Variants in MCC observed in about 807,000 individuals in gnomAD.
MCC encodes the protein MCC regulator of Wnt signaling pathway.
Under a neutral mutation model 116.2 loss-of-function variants are expected in MCC, and 90 were observed. The ratio of observed to expected loss-of-function variants is 0.77; its 90% CI spans 0.65 to 0.92. The LOEUF (loss-of-function observed/expected upper bound fraction) is 0.92. Ranked by LOEUF, MCC falls within the 40% of genes least tolerant of loss-of-function variation. MCC has a pLI of 0.00. For missense variants in MCC, 1,516 were observed against 1,312.2 expected, an observed-to-expected ratio of 1.16 and a Z score of -2.40; for synonymous variants, 578 against 510.5, an observed-to-expected ratio of 1.13 and a Z score of -1.78.
At chr5:113,206,250 G>C (rs1425850210) in intron 3 of MCC, among the ~76,000 whole-genome samples, 2 of 152,172 alleles carry the variant, frequency 1.3e-5, no homozygotes, top group Non-Finnish European at 2.9e-5. Flanking sequence ...GCCCCACCCA[G>C]TGTATACTCA....
rs77755049 is a variant in MCC at position 113,188,825 on chromosome 5, T to G, written c.628-37403A>C. Among the ~76,000 whole-genome samples, 1,288 of 152,318 alleles carry G rather than the reference T, an allele frequency of 8.5e-3. 17 individuals are homozygous for G. The highest frequency in any genetic ancestry group is 0.03 in the African/African-American group (1,228 of 41,576). ...AGTGGCAGAGCCAGGAATTGAGGTG[T>G]CTACCTGACTCCACAGTTTTTAATT... On this transcript the variant is annotated intron_variant, in intron 3 of 18. Transcript: ENST00000408903.
chr5:113,236,951 TG>T (rs1764157755), intron 3 of MCC, among the ~76,000 whole-genome samples: 1 of 152,204 alleles, frequency 6.6e-6, no homozygotes, highest in South Asian at 2.1e-4. Flanking sequence ...ATGAATATAC[TG>T]AAAGAAATTA....
In MCC at chr5:113,385,042, T is replaced by G; in HGVS notation, c.341A>C (p.Lys114Thr). Residue 114 changes from lysine (K) to threonine (T), a missense_variant, in exon 2 of 19, where the codon AAG (lysine) becomes ACG (threonine). Physicochemically the swap from Lys to Thr is moderately conservative, Grantham distance 78 (BLOSUM62 -1). Transcript: ENST00000408903. The part of the protein sequence containing the change: ...IRKEEVDLSA[K>T]SDNSCTKKLR... ...CTTCTTTGTACAGGAGTTGTCTGAC[T>G]TTGCAGAAAGATCTACTTCCTCCTT... 3 of 1,614,238 alleles carry G rather than the reference T, an allele frequency of 1.9e-6. No individual in the cohort carries two copies. The highest frequency in any genetic ancestry group is 2.5e-6 in the Non-Finnish European group (3 of 1,180,028).
At chr5:113,207,769 C>G (rs546812413) in intron 3 of MCC, among the ~76,000 whole-genome samples, 26 of 152,278 alleles carry the variant, frequency 1.7e-4, no homozygotes, top group South Asian at 6.2e-4. Flanking sequence ...TATTCTGATC[C>G]TAGCTAGAGG....
intron 2 of MCC, among the ~76,000 whole-genome samples, chr5:113,342,595 G>C (rs1768043860): frequency 1.3e-5 from 2 of 152,232 alleles, no homozygotes; most frequent in African/African-American, 4.8e-5. Flanking sequence ...GATGAATGGG[G>C]AATGTTCAGG....
rs188496843 is a variant in MCC, at chr5:113,189,491, G to A, written c.628-38069C>T. On this transcript the variant is annotated intron_variant, in intron 3 of 18. Transcript: ENST00000408903. ...TTACAGGTAGCAAAACTGAGTCCGA[G>A]AATTTAACTGGATAGGCCATCCAGG... Among the ~76,000 whole-genome samples, 423 of 152,336 alleles carry A rather than the reference G, an allele frequency of 2.8e-3. 3 individuals carry two copies. Among genetic ancestry groups the A allele is most frequent in the Non-Finnish European group, 3.7e-3 (253 of 68,036 alleles).
intron 3 of MCC, among the ~76,000 whole-genome samples, chr5:113,308,176 G>T (rs923098819): frequency 6.6e-6 from 1 of 152,078 alleles, no homozygotes; most frequent in African/African-American, 2.4e-5. Context: ...GTCTTGCAAT[G>T]TTGCCCAGGG....
chr5:113,070,952 T>C (rs1580984644), intron 12 of MCC, 142 bp downstream of exon 12: 4 of 736,422 alleles, frequency 5.4e-6, no homozygotes, highest in East Asian at 2.6e-5. Context: ...TCTTAGCTAT[T>C]TGCTGTCCAA....
chr5:113,248,919 T>C (rs936010921), intron 3 of MCC, among the ~76,000 whole-genome samples: 1 of 149,990 alleles, frequency 6.7e-6, no homozygotes, highest in Non-Finnish European at 1.5e-5. Flanking sequence ...CCTCTGCTCA[T>C]TGCTGCCTCC....
At chr5:113,325,888 G>A (rs1218416699) in intron 3 of MCC, among the ~76,000 whole-genome samples, 1 of 152,138 alleles carries the variant, frequency 6.6e-6, no homozygotes, top group Admixed American at 6.5e-5. Context: ...AGGTTTAACA[G>A]ACACATGATC....
intron 1 of MCC, among the ~76,000 whole-genome samples, chr5:113,441,964 T>C (rs1321365802): frequency 6.6e-6 from 1 of 152,234 alleles, no homozygotes; most frequent in Non-Finnish European, 1.5e-5. Flanking sequence ...TACATGTGCA[T>C]GTGTCTTTAT....
chr5:113,251,322 G>C (rs561249472), intron 3 of MCC, among the ~76,000 whole-genome samples: 84 of 152,304 alleles, frequency 5.5e-4, no homozygotes, highest in African/African-American at 1.7e-3. Flanking sequence ...GATTTCAACT[G>C]TTAGAATTCA....
intron 17 of MCC, among the ~76,000 whole-genome samples, chr5:113,041,617 T>A (rs548978917): frequency 8.5e-5 from 13 of 152,198 alleles, no homozygotes; most frequent in African/African-American, 3.1e-4. Flanking sequence ...AGGAGACAGC[T>A]TCTGATATGA....
chr5:113,427,882 G>C (rs1195629593), intron 1 of MCC, among the ~76,000 whole-genome samples: 2 of 152,010 alleles, frequency 1.3e-5, no homozygotes, highest in African/African-American at 4.8e-5. Flanking sequence ...TAACCTCTCT[G>C]CTAATTCTAG....
intron 11 of MCC, among the ~76,000 whole-genome samples, chr5:113,082,259 G>A (rs1038045833): frequency 2.0e-5 from 3 of 152,368 alleles, no homozygotes; most frequent in Admixed American, 6.5e-5. Context: ...AGGATGTAGG[G>A]ATCCAAGACT....
At chr5:113,433,633 G>A (rs1306363862) in intron 1 of MCC, 1 of 1,350,706 alleles carries the variant, frequency 7.4e-7, no homozygotes, top group Non-Finnish European at 1.0e-6. Context: ...TGAAAATAGA[G>A]GCTCATCTGG....
intron 3 of MCC, among the ~76,000 whole-genome samples, chr5:113,319,411 C>A (rs1169968500): frequency 6.6e-5 from 10 of 152,112 alleles, no homozygotes; most frequent in Non-Finnish European, 7.4e-5. Flanking sequence ...AAAGGGAATT[C>A]TATTCTTGTC....
At position 113,219,458 on chromosome 5, in the gene MCC, G is replaced by A. The variant is rs371400968; in HGVS notation, c.628-68036C>T. ...CCACAAATGTATCTAAAAAGCTGGT[G>A]TTAACATGTTTTTATTTTCCTAATA... On this transcript the variant is annotated intron_variant, in intron 3 of 18. Transcript: ENST00000408903. Among the ~76,000 whole-genome samples the A allele has an allele frequency of 3.3e-5, 5 of 152,284 alleles. No homozygotes were observed. In the South Asian group the frequency reaches 1.0e-3, roughly 32 times the overall value.
chr5:113,159,684 T>C (rs1760374176), intron 3 of MCC, among the ~76,000 whole-genome samples: 1 of 152,174 alleles, frequency 6.6e-6, no homozygotes, highest in Admixed American at 6.5e-5. Flanking sequence ...GGTGTTCTAA[T>C]TCAGATACAT....
Sources: allele counts gnomAD v4.1 joint callset (sites outside exome capture counted in the v4.1 genomes callset), GRCh38; gene constraint gnomAD v4.1.1; transcripts MANE v1.5; gene names NCBI Gene and HGNC (gene_info 2026-07-23, HGNC 2026-07-21).